Variants in KCNIP4 observed in about 807,000 individuals in gnomAD.
KCNIP4 encodes potassium voltage-gated channel interacting protein 4, also known as Kv channel-interacting protein 4.
KCNIP4 carries 12 observed loss-of-function variants against 34.0 expected under a neutral mutation model. The ratio of observed to expected loss-of-function variants is 0.35; its 90% confidence interval spans 0.23 to 0.57. KCNIP4 has a LOEUF of 0.57. KCNIP4 is among the 20% of genes least tolerant of loss of function. The pLI, the probability that KCNIP4 is intolerant of heterozygous loss-of-function variation, is 0.83. For missense variants in KCNIP4, 238 were observed against 311.7 expected (o/e 0.76, Z 1.78); for synonymous variants, 124 against 102.2 (o/e 1.21, Z -1.29).
intron 1 of KCNIP4, among the ~76,000 whole-genome samples, chr4:21,012,801 ATCTGT>A (rs1351557253): frequency 7.2e-5 from 11 of 152,186 alleles, no homozygotes; most frequent in Admixed American, 4.6e-4. Context: ...TTGAAAACAT[ATCTGT>A]TCTATGTTTC....
In KCNIP4 at chr4:20,729,268, G is replaced by C. The variant is rs755472325; in HGVS notation, c.*814C>G. 3 of 151,926 alleles carry C rather than the reference G, an allele frequency of 2.0e-5. No individual in the cohort carries two copies. The highest frequency in any genetic ancestry group is 4.4e-5 in the Non-Finnish European group (3 of 67,980). 9.4% of individuals were successfully genotyped at this position (151,926 alleles called of 1,614,324 possible). A position where few individuals can be genotyped will look rare whatever the true frequency, so the allele number is the denominator to read the frequency against. On this transcript the variant is annotated 3_prime_UTR_variant, in exon 9 of 9. Transcript: ENST00000382152. ...ATATCCTGACCCTTTGCATATGTCT[G>C]TAAACATCCTTGTTTTGTTTGATGC...
chr4:21,068,359 G>C (rs531893937), intron 1 of KCNIP4, among the ~76,000 whole-genome samples: 1 of 152,074 alleles, frequency 6.6e-6, no homozygotes, highest in Non-Finnish European at 1.5e-5. Context: ...AGTTTATCAA[G>C]TCATCACCTC....
intron 3 of KCNIP4, among the ~76,000 whole-genome samples, chr4:20,799,445 T>C (rs557046175): frequency 5.6e-4 from 85 of 152,284 alleles, no homozygotes; most frequent in African/African-American, 2.0e-3. Flanking sequence ...GAAGACATAG[T>C]ACCTGAAGTC....
At chr4:21,622,339 A>T (rs559172131) in intron 1 of KCNIP4, among the ~76,000 whole-genome samples, 1 of 152,254 alleles carries the variant, frequency 6.6e-6, no homozygotes, top group East Asian at 1.9e-4. Context: ...TGATATGTAT[A>T]ATCAGTTTTT....
intron 1 of KCNIP4, among the ~76,000 whole-genome samples, chr4:21,203,444 A>T (rs1174023764): frequency 6.6e-6 from 1 of 152,218 alleles, no homozygotes; most frequent in African/African-American, 2.4e-5. Flanking sequence ...AATTATTCGT[A>T]ATCTACAAGG....
In KCNIP4 at chr4:21,637,038, A is replaced by T. The variant is rs149471382; in HGVS notation, c.61+311533T>A. On this transcript the variant is annotated intron_variant, in intron 1 of 8. Coordinates refer to ENST00000382152, the MANE Select transcript of KCNIP4 (RefSeq NM_025221.6). ...CGAAGAGGGGAGTAAACTTGTGTTT[A>T]CAGCTGGCTCTCTGTATTCACAGGA... Among the ~76,000 whole-genome samples, 238 of 152,252 alleles carry T rather than the reference A, an allele frequency of 1.6e-3. 1 individual carries two copies. Among genetic ancestry groups the T allele is most frequent in the African/African-American group, 5.5e-3 (229 of 41,556 alleles).
chr4:21,258,089 C>G (rs1291912790), intron 1 of KCNIP4, among the ~76,000 whole-genome samples: 1 of 152,106 alleles, frequency 6.6e-6, no homozygotes, highest in Non-Finnish European at 1.5e-5. Context: ...AAAAATTAGC[C>G]TTTCCAAACA....
chr4:20,901,075 A>G (rs1652260972), intron 1 of KCNIP4, among the ~76,000 whole-genome samples: 1 of 152,196 alleles, frequency 6.6e-6, no homozygotes, highest in Non-Finnish European at 1.5e-5. Flanking sequence ...AGGCTTTGAG[A>G]CATTGAGCTG....
chr4:20,940,720 G>C (rs1731550655), intron 1 of KCNIP4, among the ~76,000 whole-genome samples: 1 of 152,028 alleles, frequency 6.6e-6, no homozygotes, highest in Non-Finnish European at 1.5e-5. Flanking sequence ...ATTTTATCCA[G>C]GCTACAACTA....
intron 1 of KCNIP4, among the ~76,000 whole-genome samples, chr4:21,615,060 T>C (rs1393691550): frequency 6.6e-6 from 1 of 151,906 alleles, no homozygotes; most frequent in Non-Finnish European, 1.5e-5. Context: ...GGTTAAAAAC[T>C]AGTTAGTTAA....
chr4:20,774,286 T>C (rs1037553442), intron 3 of KCNIP4, among the ~76,000 whole-genome samples: 2 of 152,178 alleles, frequency 1.3e-5, no homozygotes, highest in African/African-American at 4.8e-5. Flanking sequence ...CTTATTTAAT[T>C]TCAGAGGATT....
chr4:21,058,116 A>C (rs1743581511), intron 1 of KCNIP4, among the ~76,000 whole-genome samples: 1 of 152,160 alleles, frequency 6.6e-6, no homozygotes, highest in Admixed American at 6.6e-5. Flanking sequence ...GTTGAAAAAT[A>C]AAAACCTATC....
intron 3 of KCNIP4, among the ~76,000 whole-genome samples, chr4:20,839,087 G>A (rs1044383483): frequency 1.3e-5 from 2 of 152,124 alleles, no homozygotes; most frequent in African/African-American, 4.8e-5. Context: ...ACTATTTTCA[G>A]ATTTGTCCTC....
At chr4:20,977,647 G>A (rs1735619494) in intron 1 of KCNIP4, among the ~76,000 whole-genome samples, 1 of 152,140 alleles carries the variant, frequency 6.6e-6, no homozygotes, top group Non-Finnish European at 1.5e-5. Context: ...CCAGGTCCAA[G>A]CAGAAACTTG....
intron 1 of KCNIP4, among the ~76,000 whole-genome samples, chr4:20,900,290 G>T (rs1358133129): frequency 6.6e-6 from 1 of 152,122 alleles, no homozygotes; most frequent in Non-Finnish European, 1.5e-5. Context: ...AGCTTTAAAA[G>T]AATCACTTAT....
At chr4:20,825,434 G>A (rs1458485159) in intron 3 of KCNIP4, among the ~76,000 whole-genome samples, 3 of 152,038 alleles carry the variant, frequency 2.0e-5, no homozygotes, top group Non-Finnish European at 2.9e-5. Context: ...AGAACTTGAT[G>A]GCTGATTGAA....
intron 1 of KCNIP4, among the ~76,000 whole-genome samples, chr4:21,793,844 T>C (rs1720449049): frequency 6.6e-6 from 1 of 152,202 alleles, no homozygotes; most frequent in Non-Finnish European, 1.5e-5. Context: ...CGTATGTTTA[T>C]TGTGTCACTA....
chr4:21,027,901 T>C (rs1021636706), intron 1 of KCNIP4, among the ~76,000 whole-genome samples: 11 of 152,180 alleles, frequency 7.2e-5, no homozygotes, highest in African/African-American at 2.4e-4. Flanking sequence ...ACAGTTTATA[T>C]TTCTAGTCTG....
intron 1 of KCNIP4, among the ~76,000 whole-genome samples, chr4:21,273,346 T>C (rs1350357948): frequency 6.6e-6 from 1 of 152,112 alleles, no homozygotes; most frequent in African/African-American, 2.4e-5. Flanking sequence ...GGAGGCAACA[T>C]GGAGCAATGG....
Sources: allele counts gnomAD v4.1 joint callset (sites outside exome capture counted in the v4.1 genomes callset), GRCh38; gene constraint gnomAD v4.1.1; transcripts MANE v1.5; gene names NCBI Gene and HGNC (gene_info 2026-07-23, HGNC 2026-07-21).